RYR3: variants seen among roughly 807,000 people sequenced by gnomAD.
RYR3 encodes ryanodine receptor 3.
Under a neutral mutation model 584.3 loss-of-function variants are expected in RYR3, and 207 were observed. The ratio of observed to expected loss-of-function variants is 0.35; its 90% CI spans 0.32 to 0.40. RYR3 has a LOEUF of 0.40. Among genes scored for constraint, RYR3 ranks in the 10% least tolerant of loss-of-function variants. The pLI is 1.00. For missense variants in RYR3, 5,616 were observed against 6,089.2 expected, an observed-to-expected ratio of 0.92 and a Z score of 2.59; for synonymous variants, 2,416 against 2,248.5, an observed-to-expected ratio of 1.07 and a Z score of -2.11.
rs377377472 is a variant in RYR3 at position 33,810,500 on chromosome 15, C to T, written c.10048C>T (p.Arg3350Trp). 25 of 1,613,862 alleles carry T rather than the reference C, an allele frequency of 1.5e-5. No homozygotes were observed. Among genetic ancestry groups the T allele is most frequent in the Non-Finnish European group, 1.8e-5 (21 of 1,179,874 alleles). Residue 3350 changes from arginine to tryptophan, a missense_variant, in exon 71 of 104, where the codon CGG (arginine) becomes TGG (tryptophan). Physicochemically the swap from Arg to Trp is moderately radical, Grantham distance 101. This residue lies in a region of RYR3 where 954 missense variants were observed against 1,132.2 expected (regional missense o/e 0.84). Transcript: ENST00000634891. ...QVKSGGQDQE[R>W]KKTKRRGDLY... ...CTAGTCTGGAGGACAAGACCAGGAG[C>T]GGAAGAAGACAAAGCGGCGGGGAGA...
At chr15:33,766,907 C>CCT (rs1271311800) in intron 60 of RYR3, among the ~76,000 whole-genome samples, 1 of 152,132 alleles carries the variant, frequency 6.6e-6, no homozygotes, top group Non-Finnish European at 1.5e-5. Flanking sequence ...GGGCTAAAGA[C>CCT]GGTGCTTCCA....
chr15:33,757,331 TG>T, intron 59 of RYR3, 143 bp from the exon 60 acceptor site: 1 of 863,960 alleles, frequency 1.2e-6, no homozygotes, highest in Non-Finnish European at 1.8e-6. Context: ...CGATGGAAAC[TG>T]GGACCAAAGG....
intron 72 of RYR3, among the ~76,000 whole-genome samples, chr15:33,811,287 C>T (rs1170523468): frequency 1.3e-5 from 2 of 152,010 alleles, no homozygotes; most frequent in South Asian, 2.1e-4. Flanking sequence ...GGGCGGATCA[C>T]GAGGTCAGGA....
chr15:33,364,028 T>C (rs1975130983), intron 1 of RYR3, among the ~76,000 whole-genome samples: 1 of 152,216 alleles, frequency 6.6e-6, no homozygotes, highest in African/African-American at 2.4e-5. Flanking sequence ...ATTTAGCTTC[T>C]GAATTGAGGT....
intron 36 of RYR3, among the ~76,000 whole-genome samples, chr15:33,667,583 T>C (rs1246272421): frequency 6.6e-6 from 1 of 152,216 alleles, no homozygotes; most frequent in African/African-American, 2.4e-5. Flanking sequence ...TCTAATGAGT[T>C]AATAAGTACA....
intron 68 of RYR3, 30 bp downstream of exon 68, chr15:33,800,887 A>G (rs1266261128): frequency 1.4e-6 from 2 of 1,466,088 alleles, no homozygotes. Context: ...CTGGGTTTAG[A>G]ATGGTTGTGA....
At chr15:33,594,010 A>G (rs1026410452) in intron 16 of RYR3, among the ~76,000 whole-genome samples, 3 of 152,208 alleles carry the variant, frequency 2.0e-5, no homozygotes, top group Non-Finnish European at 2.9e-5. Context: ...GAGCCCAGCC[A>G]TGAATTTGTA....
chr15:33,807,047 T>C (rs555665254), intron 69 of RYR3, among the ~76,000 whole-genome samples: 6 of 151,980 alleles, frequency 3.9e-5, no homozygotes, highest in Non-Finnish European at 8.8e-5. Flanking sequence ...CACTGTGGCC[T>C]ACGCTACCTT....
At chr15:33,661,696 A>G (rs900841578) in intron 34 of RYR3, among the ~76,000 whole-genome samples, 1 of 152,098 alleles carries the variant, frequency 6.6e-6, no homozygotes, top group Non-Finnish European at 1.5e-5. Context: ...ATGAAAATCT[A>G]TTGCTGGTCC....
intron 10 of RYR3, among the ~76,000 whole-genome samples, chr15:33,561,585 C>T (rs1184534237): frequency 2.0e-5 from 3 of 152,066 alleles, no homozygotes; most frequent in Non-Finnish European, 2.9e-5. Flanking sequence ...ATGGTAATGA[C>T]GCAATACATA....
intron 60 of RYR3, among the ~76,000 whole-genome samples, chr15:33,762,136 C>A (rs2072508097): frequency 6.6e-6 from 1 of 152,148 alleles, no homozygotes; most frequent in African/African-American, 2.4e-5. Context: ...ATGACAAACC[C>A]ACAGCCAATA....
intron 103 of RYR3, 72 bp from the exon 104 acceptor site, chr15:33,865,059 G>A (rs964901364): frequency 1.7e-6 from 2 of 1,208,324 alleles, no homozygotes; most frequent in Admixed American, 1.8e-5. Context: ...GAGCCACAAA[G>A]AACAAAAACA....
At chr15:33,711,465 A>C (rs968305163) in intron 43 of RYR3, among the ~76,000 whole-genome samples, 1 of 151,940 alleles carries the variant, frequency 6.6e-6, no homozygotes, top group Admixed American at 6.6e-5. Flanking sequence ...GGATGGTCTC[A>C]ATCTCCTGAC....
At chr15:33,727,847 AG>A (rs1220124634) in intron 46 of RYR3, among the ~76,000 whole-genome samples, 1 of 152,218 alleles carries the variant, frequency 6.6e-6, no homozygotes, top group Non-Finnish European at 1.5e-5. Context: ...TCAACAAAAC[AG>A]GAAGAGGAAA....
At chr15:33,377,587 G>A (rs1027863433) in intron 1 of RYR3, among the ~76,000 whole-genome samples, 1 of 152,188 alleles carries the variant, frequency 6.6e-6, no homozygotes, top group Non-Finnish European at 1.5e-5. Flanking sequence ...GATTATAGCA[G>A]AAGTGTTAAA....
At chr15:33,713,937 C>T (rs1438772140) in intron 43 of RYR3, among the ~76,000 whole-genome samples, 1 of 152,110 alleles carries the variant, frequency 6.6e-6, no homozygotes, top group East Asian at 1.9e-4. Context: ...ATATCGTCAC[C>T]TGGACAGTTA....
chr15:33,831,623 T>C (rs2077680776), intron 86 of RYR3, among the ~76,000 whole-genome samples: 1 of 152,220 alleles, frequency 6.6e-6, no homozygotes, highest in Non-Finnish European at 1.5e-5. Flanking sequence ...CGCAAGTGTA[T>C]TTCATGTTAA....
At chr15:33,799,617 G>C (rs74008329) in intron 67 of RYR3, among the ~76,000 whole-genome samples, 4 of 152,244 alleles carry the variant, frequency 2.6e-5, no homozygotes, top group African/African-American at 9.6e-5. Context: ...TAATAAACTG[G>C]TAATAGTAAA....
intron 67 of RYR3, among the ~76,000 whole-genome samples, chr15:33,794,129 T>TA (rs1194519159): frequency 0.12 from 4,977 of 42,096 alleles, 138 homozygotes; most frequent in East Asian, 0.3. Context: ...AAATATATAT[T>TA]TATATATAAT....
Sources: gnomAD v4.1 joint callset for allele counts (sites outside exome capture counted in the v4.1 genomes callset) on GRCh38, gnomAD v4.1.1 for gene constraint, gnomAD v4.1.1 regional missense constraint, MANE v1.5 for transcripts, NCBI Gene and HGNC (gene_info 2026-07-23, HGNC 2026-07-21) for gene names.